Variants in GATB observed in about 807,000 individuals in gnomAD.
GATB encodes the protein glutamyl-tRNA amidotransferase subunit B, also known as glutamyl-tRNA(Gln) amidotransferase subunit B, mitochondrial.
In GATB, 39 loss-of-function variants were observed where a neutral mutation model predicts 62.3. The ratio of observed to expected loss-of-function variants is 0.63; its 90% CI spans 0.48 to 0.82. The LOEUF (loss-of-function observed/expected upper bound fraction) is 0.82, where lower values mean the gene tolerates loss of function less well. Among genes scored for constraint, GATB ranks in the 40% least tolerant of loss-of-function variants. GATB has a pLI of 0.00. For missense variants in GATB, 670 were observed against 684.0 expected (o/e 0.98, Z 0.23); for synonymous variants, 276 against 258.9 (o/e 1.07, Z -0.63).
intron 2 of GATB, among the ~76,000 whole-genome samples, chr4:151,739,817 G>C (rs1041467166): frequency 1.3e-5 from 2 of 152,206 alleles, no homozygotes; most frequent in African/African-American, 4.8e-5. Flanking sequence ...GGAACCACAT[G>C]AGTGGGTTGG....
intron 9 of GATB, among the ~76,000 whole-genome samples, chr4:151,697,431 C>T (rs1313485268): frequency 6.6e-6 from 1 of 151,498 alleles, no homozygotes; most frequent in Non-Finnish European, 1.5e-5. Flanking sequence ...TCTGTGTACC[C>T]AGGGACACAG....
intron 2 of GATB, chr4:151,721,435 C>T (rs959965842): frequency 1.3e-5 from 2 of 152,182 alleles, no homozygotes; most frequent in Admixed American, 1.3e-4. Flanking sequence ...GTGTGGGGAA[C>T]AGGAGGCTCT....
intron 9 of GATB, among the ~76,000 whole-genome samples, chr4:151,697,764 A>G (rs1738500635): frequency 6.7e-6 from 1 of 148,792 alleles, no homozygotes; most frequent in African/African-American, 2.5e-5. Flanking sequence ...CACAAAATCA[A>G]GTTGCCTTGA....
At chr4:151,674,933 G>A (rs894727727) in intron 11 of GATB, 3 of 152,224 alleles carry the variant, frequency 2.0e-5, no homozygotes, top group Admixed American at 6.5e-5. Context: ...CTGGGTCTGC[G>A]TCTGCAGACA....
At position 151,671,131 on chromosome 4, in the gene GATB, C is replaced by T; in HGVS notation, c.*43G>A. The T allele has an allele frequency of 6.2e-7, 1 of 1,611,886 alleles. No homozygotes were observed. On this transcript the variant is annotated 3_prime_UTR_variant, in exon 13 of 13. Coordinates refer to ENST00000263985, the MANE Select transcript of GATB (RefSeq NM_004564.3). ...CAGGATCCTGTTCCCAGTCAGGCTG[C>T]ACTGTTTGTTGTTGTCCCTTGGGCA...
chr4:151,759,633 G>T (rs1035033738), intron 1 of GATB, among the ~76,000 whole-genome samples: 4 of 152,074 alleles, frequency 2.6e-5, no homozygotes, highest in Non-Finnish European at 5.9e-5. Context: ...TCAAATCTAA[G>T]AAGCTGTTAA....
intron 2 of GATB, among the ~76,000 whole-genome samples, chr4:151,746,151 C>G (rs116432714): frequency 0.012 from 1,855 of 152,332 alleles, 40 homozygotes; most frequent in African/African-American, 0.041. Context: ...TGCGTGGGAA[C>G]TGACACCAGG....
intron 9 of GATB, among the ~76,000 whole-genome samples, chr4:151,697,957 A>ATATATATATATATATATATATATGTG (rs1738513511): frequency 4.0e-5 from 2 of 49,704 alleles, no homozygotes; most frequent in African/African-American, 1.8e-4. Context: ...GTGTGTGTAT[A>ATATATATATATATATATATATATGTG]TATATATATA....
rs114946499 is a variant in GATB, at chr4:151,711,820, C to T, written c.764-3719G>A. On this transcript the variant is annotated intron_variant, in intron 5 of 12. Transcript: ENST00000263985. ...CAATAAATGAAATCTTATTGAGCGA[C>T]GAATGCCAGAACGCTGGCATTTTCC... 5.3e-3 allele frequency among the ~76,000 whole-genome samples: 812 copies of T among 152,244 alleles called. 6 individuals carry two copies. The highest frequency in any genetic ancestry group is 0.014 in the Middle Eastern group (4 of 294).
intron 9 of GATB, among the ~76,000 whole-genome samples, chr4:151,689,519 T>A (rs1364704858): frequency 6.6e-6 from 1 of 152,204 alleles, no homozygotes; most frequent in Non-Finnish European, 1.5e-5. Flanking sequence ...CCCTCTGAAC[T>A]GTCAGCCCCA....
chr4:151,683,768 T>A (rs1452247891), intron 10 of GATB, among the ~76,000 whole-genome samples: 2 of 152,196 alleles, frequency 1.3e-5, no homozygotes, highest in Non-Finnish European at 2.9e-5. Context: ...GAGGCTGACA[T>A]GCTATAGTTT....
intron 10 of GATB, among the ~76,000 whole-genome samples, chr4:151,688,427 C>CA (rs374410712): frequency 2.4e-3 from 360 of 152,310 alleles, no homozygotes; most frequent in African/African-American, 8.2e-3. Flanking sequence ...ACACAGTGCA[C>CA]AGTCACAGAT....
intron 2 of GATB, among the ~76,000 whole-genome samples, chr4:151,735,748 A>ATATATATATATATATATATATC (rs1739360126): frequency 7.2e-6 from 1 of 139,134 alleles, no homozygotes. Flanking sequence ...ATATATATAT[A>ATATATATATATATATATATATC]TATATATATG....
At chr4:151,720,774 A>AATTT (rs1739015716) in intron 2 of GATB, 1 of 152,224 alleles carries the variant, frequency 6.6e-6, no homozygotes, top group Non-Finnish European at 1.5e-5. Context: ...GCTGCCTGTA[A>AATTT]AGCCCACACA....
At chr4:151,706,353 C>G (rs1333608500) in intron 6 of GATB, among the ~76,000 whole-genome samples, 2 of 149,302 alleles carry the variant, frequency 1.3e-5, no homozygotes. Context: ...TCATGGATGA[C>G]TCTACCTAAA....
chr4:151,735,077 T>C (rs1739342794), intron 2 of GATB, among the ~76,000 whole-genome samples: 1 of 151,848 alleles, frequency 6.6e-6, no homozygotes, highest in Non-Finnish European at 1.5e-5. Context: ...CAAAGATAAA[T>C]AGCTGGGACC....
Position 151,708,030 on chromosome 4 carries a change from C to A in GATB, c.835G>T (p.Val279Leu), listed in dbSNP as rs1218044881. The A allele has an allele frequency of 3.7e-6, 6 of 1,614,054 alleles. No individual in the cohort carries two copies. The highest frequency in any genetic ancestry group is 4.2e-6 in the Non-Finnish European group (5 of 1,179,982). The part of the protein sequence containing the change: ...PGEPLGVRTE[V>L]KNLNSIRFLA... Reference sequence around the variant, plus strand: ...AACCTGATGCTGTTGAGATTCTTCACTTCCGTTCGAACGCCCAAAGGCTCC... The same window carrying A: ...AACCTGATGCTGTTGAGATTCTTCAATTCCGTTCGAACGCCCAAAGGCTCC... Residue 279 changes from valine to leucine, a missense_variant, in exon 6 of 13, where the codon GTG becomes TTG. Physicochemically the swap from Val to Leu is conservative, Grantham distance 32. Coordinates refer to ENST00000263985, the MANE Select transcript of GATB (RefSeq NM_004564.3).
intron 1 of GATB, among the ~76,000 whole-genome samples, chr4:151,760,305 T>C (rs181077050): frequency 3.6e-4 from 55 of 152,358 alleles, no homozygotes; most frequent in African/African-American, 1.3e-3. Flanking sequence ...TGCGTCCTCC[T>C]AGGTCTAGTC....
At chr4:151,756,903 T>C (rs918938389) in intron 2 of GATB, among the ~76,000 whole-genome samples, 8 of 152,224 alleles carry the variant, frequency 5.3e-5, no homozygotes, top group African/African-American at 1.9e-4. Context: ...GTAATAAGTA[T>C]GGCCTGATAG....
Sources: gnomAD v4.1 joint callset for allele counts (sites outside exome capture counted in the v4.1 genomes callset) on GRCh38, gnomAD v4.1.1 for gene constraint, MANE v1.5 for transcripts, NCBI Gene and HGNC (gene_info 2026-07-23, HGNC 2026-07-21) for gene names.